The following PRORP variants were observed in gnomAD, a reference collection of about 807,000 sequenced individuals.
PRORP encodes mitochondrial ribonuclease P catalytic subunit.
A neutral mutation model predicts 59.4 loss-of-function variants in PRORP; 51 were observed. The ratio of observed to expected loss-of-function variants is 0.86; its 90% CI spans 0.69 to 1.08. PRORP has a LOEUF of 1.08. Ranked by LOEUF, PRORP falls within the 50% of genes least tolerant of loss-of-function variation. The probability of loss-of-function intolerance (pLI) is 0.00; values close to 1 mark genes in which losing one functional copy is unlikely to be tolerated. For missense variants in PRORP, 646 were observed against 690.3 expected (o/e 0.94, Z 0.72); for synonymous variants, 231 against 245.6 (o/e 0.94, Z 0.55).
chr14:35,255,733 A>G (rs887466539), intron 5 of PRORP, among the ~76,000 whole-genome samples: 9 of 152,334 alleles, frequency 5.9e-5, no homozygotes, highest in South Asian at 2.1e-4. Flanking sequence ...ACTATGTTAC[A>G]TGATACCATA....
intron 5 of PRORP, among the ~76,000 whole-genome samples, chr14:35,206,300 C>A (rs1165590922): frequency 1.3e-5 from 2 of 152,132 alleles, no homozygotes; most frequent in Non-Finnish European, 1.5e-5. Flanking sequence ...TGAGGGAATG[C>A]TGTTAGCGAA....
intron 5 of PRORP, among the ~76,000 whole-genome samples, chr14:35,219,686 T>G (rs2049721096): frequency 6.6e-6 from 1 of 152,234 alleles, no homozygotes; most frequent in Non-Finnish European, 1.5e-5. Context: ...GAGAAATTTA[T>G]AACATTGCTA....
At chr14:35,189,851 C>T (rs915486417) in intron 5 of PRORP, among the ~76,000 whole-genome samples, 4 of 152,154 alleles carry the variant, frequency 2.6e-5, no homozygotes, top group Non-Finnish European at 5.9e-5. Flanking sequence ...TGTCTCATGC[C>T]TGTAATTCCA....
intron 4 of PRORP, among the ~76,000 whole-genome samples, chr14:35,135,338 G>A (rs774713696): frequency 1.3e-5 from 2 of 152,148 alleles, no homozygotes; most frequent in African/African-American, 2.4e-5. Context: ...GCAAGTGGAC[G>A]ATCAGTGGAG....
chr14:35,201,972 A>AT (rs753624770), intron 5 of PRORP, among the ~76,000 whole-genome samples: 11,287 of 112,314 alleles, frequency 0.1, 495 homozygotes, highest in Middle Eastern at 0.16. Flanking sequence ...AATTATTATT[A>AT]TTTTTTTTTT....
At chr14:35,200,798 A>G (rs1006552849) in intron 5 of PRORP, among the ~76,000 whole-genome samples, 19 of 152,190 alleles carry the variant, frequency 1.2e-4, no homozygotes, top group Non-Finnish European at 2.2e-4. Context: ...TTCTATCACT[A>G]AGATATTAGT....
At chr14:35,227,836 G>A (rs576503983) in intron 5 of PRORP, among the ~76,000 whole-genome samples, 9 of 151,856 alleles carry the variant, frequency 5.9e-5, no homozygotes, top group Non-Finnish European at 7.4e-5. Context: ...GCAGAAATAC[G>A]TAACAGGTAA....
chr14:35,217,731 T>G (rs774882378), intron 5 of PRORP, among the ~76,000 whole-genome samples: 4 of 152,148 alleles, frequency 2.6e-5, no homozygotes, highest in Non-Finnish European at 5.9e-5. Flanking sequence ...CTTGGTACCC[T>G]TCTTAAAAAT....
chr14:35,127,300 G>C (rs561615928), intron 3 of PRORP, among the ~76,000 whole-genome samples, 179 bp from the exon 4 acceptor site: 1 of 150,872 alleles, frequency 6.6e-6, no homozygotes, highest in South Asian at 2.1e-4. Flanking sequence ...GGGTTTTCTG[G>C]CACACTAATT....
chr14:35,122,834 A>C (rs2046965049), intron 1 of PRORP, 118 bp from the exon 2 acceptor site: 1 of 174,902 alleles, frequency 5.7e-6, no homozygotes, highest in Admixed American at 5.4e-5. Flanking sequence ...GTCCCTGGAT[A>C]CGGTTTTGGC....
chr14:35,239,496 A>C (rs938709733), intron 5 of PRORP, among the ~76,000 whole-genome samples: 7 of 152,206 alleles, frequency 4.6e-5, no homozygotes, highest in Non-Finnish European at 1.0e-4. Context: ...ATACCAGCTT[A>C]TAATTAAGAG....
At chr14:35,214,210 CAGG>C (rs1453627686) in intron 5 of PRORP, among the ~76,000 whole-genome samples, 3 of 152,068 alleles carry the variant, frequency 2.0e-5, no homozygotes, top group Admixed American at 1.3e-4. Flanking sequence ...GATCTAGGAG[CAGG>C]AGAATGAGAA....
intron 5 of PRORP, among the ~76,000 whole-genome samples, chr14:35,243,183 T>G (rs1332841201): frequency 5.3e-5 from 8 of 152,162 alleles, no homozygotes. Flanking sequence ...CACAGTTCAC[T>G]TAAGAAGGAT....
intron 4 of PRORP, among the ~76,000 whole-genome samples, chr14:35,149,476 G>A (rs978012520): frequency 6.6e-6 from 1 of 152,150 alleles, no homozygotes. Context: ...GCCTCCCAAA[G>A]TACTGTGATT....
chr14:35,123,912 T>G lies in PRORP; in HGVS notation c.667T>G (p.Ser223Ala). The change falls in exon 2 of 8, where the codon TCA (serine) becomes GCA (alanine). Residue 223 changes from serine to alanine, a missense_variant. Ser to Ala is a moderately conservative substitution (Grantham distance 99, BLOSUM62 1). Coordinates refer to ENST00000534898, the MANE Select transcript of PRORP (RefSeq NM_014672.4). ...TCTTCTCATCCGGGGATTGATCCAT[T>G]CAGACAGATGGAGAGAAGCATTGTT... ...YSLLIRGLIHSDRWREALLLL... is the reference protein window; with the variant it reads ...YSLLIRGLIHADRWREALLLL... 1 of 1,614,112 alleles carries G rather than the reference T, an allele frequency of 6.2e-7. No homozygotes were observed. Among genetic ancestry groups the G allele is most frequent in the Non-Finnish European group, 8.5e-7 (1 of 1,179,974 alleles).
At chr14:35,141,525 C>G (rs1340295236) in intron 4 of PRORP, among the ~76,000 whole-genome samples, 1 of 145,162 alleles carries the variant, frequency 6.9e-6, no homozygotes, top group African/African-American at 2.4e-5. Context: ...ACCTTGGCCT[C>G]CCAAAGTGCT....
chr14:35,263,728 A>G (rs1459395501), intron 5 of PRORP, among the ~76,000 whole-genome samples: 3 of 152,190 alleles, frequency 2.0e-5, no homozygotes, highest in South Asian at 2.1e-4. Flanking sequence ...TCCGTTACTA[A>G]AGGCAGGGAC....
chr14:35,233,543 G>A, intron 5 of PRORP, among the ~76,000 whole-genome samples: 1 of 150,238 alleles, frequency 6.7e-6, no homozygotes, highest in South Asian at 2.1e-4. Context: ...CCTCTCCATG[G>A]TGCAAGGGTG....
intron 4 of PRORP, among the ~76,000 whole-genome samples, chr14:35,176,974 G>A (rs1026358393): frequency 6.6e-5 from 10 of 152,134 alleles, no homozygotes; most frequent in African/African-American, 2.4e-4. Flanking sequence ...TTTGTCAAAG[G>A]CCTTTTCTGC....
Sources: allele counts gnomAD v4.1 joint callset (sites outside exome capture counted in the v4.1 genomes callset), GRCh38; gene constraint gnomAD v4.1.1; transcripts MANE v1.5; gene names NCBI Gene and HGNC (gene_info 2026-07-23, HGNC 2026-07-21).